SLC49A4: variants seen among roughly 807,000 people sequenced by gnomAD.
SLC49A4 encodes the protein disrupted in renal cancer protein 2.
Under a neutral mutation model 50.6 loss-of-function variants are expected in SLC49A4, and 36 were observed. The observed-to-expected ratio is 0.71, with a 90% CI of 0.55 to 0.94. SLC49A4 has a LOEUF of 0.94. SLC49A4 is among the 40% of genes least tolerant of loss of function. The pLI is 0.00. For missense variants in SLC49A4, 503 were observed against 605.7 expected (o/e 0.83, Z 1.78); for synonymous variants, 248 against 241.2 (o/e 1.03, Z -0.26).
Position 122,879,357 on chromosome 3 carries a change from T to C in SLC49A4, c.1416T>C (p.Leu472=). Residue 472 remains leucine, a synonymous_variant, in exon 9 of 9, where the codon CTT becomes CTC. Transcript: ENST00000261038. ...GGGAATCCTATGACAGACTCTATCT[T>C]GATGTGGTTGTCTCCGTTTAATAGC... The part of the protein sequence containing the change: ...CFRESYDRLY[L]DVVVSV 1 of 1,613,756 alleles carries C rather than the reference T, an allele frequency of 6.2e-7. No individual in the cohort carries two copies. The highest frequency in any genetic ancestry group is 1.7e-5 in the Admixed American group (1 of 60,002).
intron 5 of SLC49A4, among the ~76,000 whole-genome samples, chr3:122,854,578 G>T (rs573487387): frequency 7.6e-4 from 116 of 152,286 alleles, no homozygotes; most frequent in Non-Finnish European, 1.4e-3. Flanking sequence ...GATTGCAGCT[G>T]GCAGGAAGGG....
At chr3:122,822,600 T>C (rs775747826) in intron 2 of SLC49A4, among the ~76,000 whole-genome samples, 13 of 152,212 alleles carry the variant, frequency 8.5e-5, no homozygotes, top group Non-Finnish European at 1.6e-4. Flanking sequence ...ATAAACGATC[T>C]TTCTGTTTGA....
At chr3:122,805,174 GC>G (rs1936197375) in intron 1 of SLC49A4, among the ~76,000 whole-genome samples, 1 of 152,026 alleles carries the variant, frequency 6.6e-6, no homozygotes, top group Non-Finnish European at 1.5e-5. Flanking sequence ...GTTTCCTGTG[GC>G]TATAATGTGA....
chr3:122,829,170 A>T (rs1936577695), intron 3 of SLC49A4, among the ~76,000 whole-genome samples: 1 of 152,254 alleles, frequency 6.6e-6, no homozygotes, highest in African/African-American at 2.4e-5. Context: ...TATAAACACA[A>T]AAGTCCTGAA....
intron 2 of SLC49A4, among the ~76,000 whole-genome samples, chr3:122,811,378 A>G (rs572635724): frequency 2.0e-5 from 3 of 152,376 alleles, no homozygotes; most frequent in Non-Finnish European, 4.4e-5. Context: ...GAAAATTAAA[A>G]TAGCAGACAG....
intron 7 of SLC49A4, among the ~76,000 whole-genome samples, chr3:122,861,848 A>G (rs1005532345): frequency 1.3e-5 from 2 of 152,252 alleles, no homozygotes; most frequent in African/African-American, 4.8e-5. Flanking sequence ...CAAGGGCAGC[A>G]CAGGGATCTG....
intron 1 of SLC49A4, among the ~76,000 whole-genome samples, chr3:122,800,283 A>G (rs77815608): frequency 6.6e-6 from 1 of 152,350 alleles, no homozygotes; most frequent in African/African-American, 2.4e-5. Flanking sequence ...GTAAGGACTG[A>G]GAATAGAGCA....
intron 2 of SLC49A4, among the ~76,000 whole-genome samples, chr3:122,810,082 G>C (rs1313039466): frequency 6.6e-6 from 1 of 152,158 alleles, no homozygotes; most frequent in African/African-American, 2.4e-5. Flanking sequence ...CTGTGTTTTT[G>C]TGGCCTTGTT....
At chr3:122,860,893 G>A (rs1937051315) in intron 7 of SLC49A4, among the ~76,000 whole-genome samples, 1 of 152,180 alleles carries the variant, frequency 6.6e-6, no homozygotes, top group Non-Finnish European at 1.5e-5. Context: ...AAATCAAAAT[G>A]TGAACAGACT....
At chr3:122,866,184 A>G (rs1285782010) in intron 7 of SLC49A4, among the ~76,000 whole-genome samples, 1 of 148,078 alleles carries the variant, frequency 6.8e-6, no homozygotes, top group Non-Finnish European at 1.5e-5. Context: ...GTGTGCCACC[A>G]TGCCCAGCTA....
chr3:122,841,141 T>C (rs889427872), intron 4 of SLC49A4, among the ~76,000 whole-genome samples: 3 of 152,240 alleles, frequency 2.0e-5, no homozygotes, highest in African/African-American at 7.2e-5. Context: ...ACTAATTTTC[T>C]TGATTCTTTT....
At position 122,856,366 on chromosome 3, in the gene SLC49A4, T is replaced by C; in HGVS notation, c.1002T>C (p.Ala334=). 1 of 1,613,948 alleles carries C rather than the reference T, an allele frequency of 6.2e-7. No individual in the cohort carries two copies. The highest frequency in any genetic ancestry group is 1.1e-5 in the South Asian group (1 of 91,078). The part of the protein sequence containing the change: ...SIVGGCVVGI[A]MARFADFIRG... ...TTGGAGGCTGTGTTGTTGGAATAGC[T>C]ATGGCAAGGTGAGAATATTTTGTTA... The change falls in exon 6 of 9, where the codon GCT becomes GCC. Residue 334 remains alanine (A), a synonymous_variant. Coordinates refer to ENST00000261038, the MANE Select transcript of SLC49A4 (RefSeq NM_032839.3).
rs935685232 is a variant in SLC49A4, at chr3:122,795,072, C to T, written c.-121C>T. 1.5e-4 allele frequency: 175 copies of T among 1,165,710 alleles called. No homozygotes were observed. The highest frequency in any genetic ancestry group is 4.6e-4 in the East Asian group (14 of 30,136). The allele number at this position is 1,165,710 out of a possible 1,614,324, so 72.2% of individuals were successfully genotyped here. A position where few individuals can be genotyped will look rare whatever the true frequency, so the allele number is the denominator to read the frequency against. On this transcript the variant is annotated 5_prime_UTR_variant, in exon 1 of 9. Transcript: ENST00000261038. The stretch of plus-strand genomic sequence containing the variant: ...GCCGCGCAGGCGCACCAGGCGCGGT[C>T]CGGAGGCCGAGGGCGACCACAGCAG...
chr3:122,826,780 T>C lies in SLC49A4; in HGVS notation c.438-20T>C, dbSNP rs753308286. On this transcript the variant is annotated intron_variant, in intron 2 of 8. Transcript: ENST00000261038. ...TGCCTGTTTCAAATACCTCACAGCC[T>C]TTTAATTTTTAAATTCCAGATTAAT... 2 of 1,608,378 alleles carry C rather than the reference T, an allele frequency of 1.2e-6. No homozygotes were observed. The highest frequency in any genetic ancestry group is 2.2e-5 in the South Asian group (2 of 90,904).
chr3:122,844,440 G>C (rs956225671), intron 4 of SLC49A4, among the ~76,000 whole-genome samples: 4 of 151,882 alleles, frequency 2.6e-5, no homozygotes, highest in Admixed American at 6.6e-5. Context: ...TAAACATTGA[G>C]AATTTTAAAC....
intron 7 of SLC49A4, among the ~76,000 whole-genome samples, chr3:122,861,011 C>G (rs1937052644): frequency 6.6e-6 from 1 of 152,142 alleles, no homozygotes; most frequent in South Asian, 2.1e-4. Context: ...TGGGTCAAGT[C>G]CTTTTCACGT....
intron 5 of SLC49A4, among the ~76,000 whole-genome samples, chr3:122,848,009 CT>C (rs1297416513): frequency 2.0e-5 from 3 of 152,174 alleles, no homozygotes; most frequent in Admixed American, 6.5e-5. Flanking sequence ...TGCAGTAGCA[CT>C]TTTCAAGTGC....
chr3:122,855,249 A>G (rs1936972193), intron 5 of SLC49A4, among the ~76,000 whole-genome samples: 1 of 152,234 alleles, frequency 6.6e-6, no homozygotes, highest in South Asian at 2.1e-4. Flanking sequence ...AGGGACACGG[A>G]ATGCTTAGGA....
chr3:122,841,782 A>G (rs1936773297), intron 4 of SLC49A4, among the ~76,000 whole-genome samples: 1 of 152,218 alleles, frequency 6.6e-6, no homozygotes, highest in Non-Finnish European at 1.5e-5. Context: ...ATTTCATCAC[A>G]TGTAATAAGG....
Sources: allele counts gnomAD v4.1 joint callset (sites outside exome capture counted in the v4.1 genomes callset), GRCh38; gene constraint gnomAD v4.1.1; transcripts MANE v1.5; gene names NCBI Gene and HGNC (gene_info 2026-07-23, HGNC 2026-07-21).